Variants in PTPRD observed in about 807,000 individuals in gnomAD.
PTPRD encodes receptor-type tyrosine-protein phosphatase delta.
PTPRD carries 34 observed loss-of-function variants against 214.5 expected under a neutral mutation model. The observed-to-expected ratio is 0.16, with a 90% CI of 0.12 to 0.21. PTPRD has a LOEUF of 0.21. Ranked by LOEUF, PTPRD falls within the 10% of genes least tolerant of loss-of-function variation. PTPRD has a pLI of 1.00. For missense variants in PTPRD, 2,545 were observed against 2,398.7 expected (o/e 1.06, Z -1.27); for synonymous variants, 1,128 against 845.7 (o/e 1.33, Z -5.79).
intron 12 of PTPRD, among the ~76,000 whole-genome samples, chr9:8,638,103 C>CTTTTTTTTTTT (rs963311950): frequency 4.7e-5 from 6 of 127,030 alleles, no homozygotes; most frequent in African/African-American, 1.7e-4. Flanking sequence ...GCTGTTCCTT[C>CTTTTTTTTTTT]TTTTTTTTTT....
At chr9:9,390,121 C>G (rs1039662104) in intron 9 of PTPRD, among the ~76,000 whole-genome samples, 2 of 152,072 alleles carry the variant, frequency 1.3e-5, no homozygotes, top group Non-Finnish European at 2.9e-5. Flanking sequence ...AGAGCAGAGG[C>G]CAAAGTCCTC....
At chr9:9,283,028 T>A (rs966871045) in intron 9 of PTPRD, among the ~76,000 whole-genome samples, 1 of 151,476 alleles carries the variant, frequency 6.6e-6, no homozygotes, top group Non-Finnish European at 1.5e-5. Context: ...TCAGAATTAA[T>A]GGAGTGAAGG....
At chr9:8,925,942 T>C (rs2098886705) in intron 11 of PTPRD, among the ~76,000 whole-genome samples, 2 of 151,238 alleles carry the variant, frequency 1.3e-5, no homozygotes, top group Admixed American at 1.3e-4. Flanking sequence ...ATTGAGTTAA[T>C]ATTTCTCTTG....
chr9:10,419,621 C>G (rs943484885), intron 2 of PTPRD, among the ~76,000 whole-genome samples: 1 of 151,676 alleles, frequency 6.6e-6, no homozygotes, highest in African/African-American at 2.4e-5. Context: ...AAAATCCAAG[C>G]TTTCAATAGC....
At chr9:9,783,701 T>C (rs543856434) in intron 5 of PTPRD, among the ~76,000 whole-genome samples, 15 of 151,996 alleles carry the variant, frequency 9.9e-5, no homozygotes, top group African/African-American at 3.4e-4. Context: ...TGCCAGTTCC[T>C]CCCCTCCCAA....
intron 3 of PTPRD, among the ~76,000 whole-genome samples, chr9:10,133,863 AT>A (rs542786300): frequency 1.3e-5 from 2 of 152,062 alleles, no homozygotes; most frequent in South Asian, 2.1e-4. Context: ...TTGTTATGTG[AT>A]TTTTTGTTGT....
At chr9:9,906,042 A>G (rs1488708426) in intron 5 of PTPRD, among the ~76,000 whole-genome samples, 1 of 151,978 alleles carries the variant, frequency 6.6e-6, no homozygotes, top group African/African-American at 2.4e-5. Flanking sequence ...AGCATGTTGT[A>G]AAGCTTTAGG....
At position 9,866,793 on chromosome 9, in the gene PTPRD, C is replaced by T. The variant is rs146044298; in HGVS notation, c.-368+71714G>A. Among the ~76,000 whole-genome samples the T allele has an allele frequency of 1.1e-3, 173 of 152,066 alleles. 1 individual carries two copies. Among genetic ancestry groups the T allele is most frequent in the African/African-American group, 3.9e-3 (162 of 41,504 alleles). On this transcript the variant is annotated intron_variant, in intron 5 of 45. Coordinates refer to ENST00000381196, the MANE Select transcript of PTPRD (RefSeq NM_002839.4). ...GTTATATTTATAAAATATGTTAAGT[C>T]TTTAAGTAGCTTCTAAGTTTAATGC...
chr9:10,446,307 C>T (rs1364664353), intron 2 of PTPRD, among the ~76,000 whole-genome samples: 1 of 151,306 alleles, frequency 6.6e-6, no homozygotes, highest in Non-Finnish European at 1.5e-5. Flanking sequence ...TAGGAAAGGT[C>T]TGAAACTGTA....
At chr9:9,716,114 T>C (rs2097823484) in intron 7 of PTPRD, among the ~76,000 whole-genome samples, 1 of 152,150 alleles carries the variant, frequency 6.6e-6, no homozygotes, top group African/African-American at 2.4e-5. Context: ...TTTGGTTTTT[T>C]GTTCTTGCGA....
intron 7 of PTPRD, among the ~76,000 whole-genome samples, chr9:9,620,299 T>A (rs2095166780): frequency 6.6e-6 from 1 of 152,144 alleles, no homozygotes; most frequent in Non-Finnish European, 1.5e-5. Context: ...GTAAGTCCCA[T>A]GAAGGTAAGA....
chr9:10,397,306 T>C (rs906837605), intron 2 of PTPRD, among the ~76,000 whole-genome samples: 6 of 152,038 alleles, frequency 3.9e-5, no homozygotes, highest in Non-Finnish European at 7.4e-5. Flanking sequence ...GGTACATCCG[T>C]CAGACATTTG....
At chr9:9,995,707 C>T (rs2096096490) in intron 4 of PTPRD, among the ~76,000 whole-genome samples, 1 of 152,178 alleles carries the variant, frequency 6.6e-6, no homozygotes. Flanking sequence ...CTACCTACTT[C>T]CTATTACCCA....
chr9:8,507,578 A>C, intron 21 of PTPRD, 144 bp from the exon 22 acceptor site: 1 of 939,892 alleles, frequency 1.1e-6, no homozygotes. Context: ...ACCTTGTCCA[A>C]GTTAACCTCT....
intron 2 of PTPRD, among the ~76,000 whole-genome samples, chr9:10,583,349 T>TC (rs2132502895): frequency 6.6e-6 from 1 of 152,104 alleles, no homozygotes; most frequent in East Asian, 1.9e-4. Context: ...AGTCTTTTTT[T>TC]TTTCAGTCAT....
chr9:10,275,796 C>T (rs2094650197), intron 3 of PTPRD, among the ~76,000 whole-genome samples: 1 of 152,016 alleles, frequency 6.6e-6, no homozygotes, highest in Non-Finnish European at 1.5e-5. Context: ...ATGGTGGAGC[C>T]AAAAGTGAAG....
At chr9:8,723,827 G>A (rs190063698) in intron 12 of PTPRD, among the ~76,000 whole-genome samples, 1 of 152,148 alleles carries the variant, frequency 6.6e-6, no homozygotes, top group East Asian at 1.9e-4. Context: ...TAGTAGATTT[G>A]TTATACTTTC....
chr9:9,119,736 G>T (rs1591941750), intron 10 of PTPRD, among the ~76,000 whole-genome samples: 2 of 151,726 alleles, frequency 1.3e-5, no homozygotes, highest in Non-Finnish European at 1.5e-5. Flanking sequence ...GTTGCCCAGG[G>T]TGGTCTCGAA....
intron 12 of PTPRD, among the ~76,000 whole-genome samples, chr9:8,641,699 G>A (rs1385842099): frequency 2.0e-5 from 3 of 152,154 alleles, no homozygotes; most frequent in Admixed American, 1.3e-4. Context: ...CACAACACAG[G>A]CCATAGCTCC....
Sources: allele counts gnomAD v4.1 joint callset (sites outside exome capture counted in the v4.1 genomes callset), GRCh38; gene constraint gnomAD v4.1.1; transcripts MANE v1.5; gene names NCBI Gene and HGNC (gene_info 2026-07-23, HGNC 2026-07-21).